Variants in CAMSAP3 observed in about 807,000 individuals in gnomAD.
The protein encoded by CAMSAP3 is calmodulin regulated spectrin associated protein family member 3, also known as calmodulin-regulated spectrin-associated protein 3.
A neutral mutation model predicts 112.5 loss-of-function variants in CAMSAP3; 34 were observed. The ratio of observed to expected loss-of-function variants is 0.30; its 90% confidence interval spans 0.23 to 0.40. The LOEUF is 0.40. Among genes scored for constraint, CAMSAP3 ranks in the 10% least tolerant of loss-of-function variants. The pLI is 1.00. For missense variants in CAMSAP3, 1,602 were observed against 1,770.3 expected (o/e 0.90, Z 1.71); for synonymous variants, 868 against 799.8 (o/e 1.09, Z -1.44).
chr19:7,600,883 TATCCATCC>T (rs773405101), intron 1 of CAMSAP3, among the ~76,000 whole-genome samples: 1 of 86,324 alleles, frequency 1.2e-5, no homozygotes, highest in Non-Finnish European at 2.5e-5. Flanking sequence ...TTCATCCATT[TATCCATCC>T]ATCCATCCAT....
At position 7,615,072 on chromosome 19, in the gene CAMSAP3, T is replaced by C; in HGVS notation, c.2671-111T>C. On this transcript the variant is annotated intron_variant, in intron 11 of 16. Coordinates refer to ENST00000160298, the MANE Select transcript of CAMSAP3 (RefSeq NM_020902.2). The surrounding 1 kb of genome is among the most constrained non-coding windows in gnomAD (Gnocchi z 6.5). The stretch of plus-strand genomic sequence containing the variant: ...CACCAACTAAGTGCATTTAGAACAA[T>C]GATGAAAACAAAAGCACAGGTGGGT... The C allele has an allele frequency of 7.6e-7, 1 of 1,312,650 alleles. No homozygotes were observed. The allele number at this position is 1,312,650 out of a possible 1,614,324, so 81.3% of individuals were successfully genotyped here.
intron 14 of CAMSAP3, among the ~76,000 whole-genome samples, chr19:7,616,934 CTTTTTTTTTTTTT>C (rs545769780): frequency 2.4e-5 from 2 of 83,038 alleles, no homozygotes; most frequent in African/African-American, 1.0e-4. Flanking sequence ...TGTGGCCCGC[CTTTTTTTTTTTTT>C]TTTTTTTTTT....
Position 7,612,415 on chromosome 19 carries a change from A to C in CAMSAP3, c.1922A>C (p.Gln641Pro). 1 of 1,589,964 alleles carries C rather than the reference A, an allele frequency of 6.3e-7. No individual in the cohort carries two copies. The highest frequency in any genetic ancestry group is 8.5e-7 in the Non-Finnish European group (1 of 1,171,136). Reference sequence around the variant, plus strand: ...GGCAAAAGCGCCTTCCTGCAGGTGCAGCCGCGGGAAGCCTCTGGGGAGGCG... The same window carrying C: ...GGCAAAAGCGCCTTCCTGCAGGTGCCGCCGCGGGAAGCCTCTGGGGAGGCG... The part of the protein sequence containing the change: ...RLGKSAFLQV[Q>P]PREASGEAEA... The change falls in exon 11 of 17, where the codon CAG becomes CCG. Residue 641 changes from glutamine to proline, a missense_variant. By Grantham distance (76) the Gln-to-Pro change is moderately conservative. This residue lies in a region of CAMSAP3 where 1,100 missense variants were observed against 1,135.7 expected (regional missense o/e 0.97). Coordinates refer to ENST00000160298, the MANE Select transcript of CAMSAP3 (RefSeq NM_020902.2).
chr19:7,611,811 C>T lies in CAMSAP3; in HGVS notation c.1318C>T (p.Pro440Ser). ...VSSDSLGPPR[P>S]APARTPTQPP... ...CTCGGACAGCCTGGGCCCCCCGCGTCCCGCGCCGGCCAGGACCCCCACCCA... is the reference window on the plus strand; with the variant it reads ...CTCGGACAGCCTGGGCCCCCCGCGTTCCGCGCCGGCCAGGACCCCCACCCA... The change falls in exon 11 of 17, where the codon CCC becomes TCC. Residue 440 changes from proline to serine, a missense_variant. Pro to Ser is a moderately conservative substitution (Grantham distance 74). Coordinates refer to ENST00000160298, the MANE Select transcript of CAMSAP3 (RefSeq NM_020902.2). The surrounding 1 kb of genome is among the most constrained non-coding windows in gnomAD (Gnocchi z 6.9). The T allele has an allele frequency of 6.3e-7, 1 of 1,593,426 alleles. No homozygotes were observed.
Position 7,615,234 on chromosome 19 carries a change from G to A in CAMSAP3, c.2722G>A (p.Glu908Lys), listed in dbSNP as rs1599362727. ...EMAQKRASLL[E>K]RQQRRAEEAR... ...GGCCCAAAAGCGGGCCAGCCTGCTG[G>A]AGCGGCAGCAGCGGCGAGCAGAGGA... The change falls in exon 12 of 17, where the codon GAG (glutamate) becomes AAG (lysine). Residue 908 changes from glutamate (E) to lysine (K), a missense_variant. Physicochemically the swap from Glu to Lys is moderately conservative, Grantham distance 56. Transcript: ENST00000160298. The surrounding 1 kb of genome is among the most constrained non-coding windows in gnomAD (Gnocchi z 6.5). The A allele has an allele frequency of 3.2e-6, 5 of 1,552,182 alleles. No homozygotes were observed. In the East Asian group the frequency reaches 7.3e-5, roughly 23 times the overall value.
chr19:7,617,406 C>T lies in CAMSAP3; in HGVS notation c.3293C>T (p.Ala1098Val), dbSNP rs375397200. ...RERDWENGSN[A>V]SSPASVPEYT... The stretch of plus-strand genomic sequence containing the variant: ...CGGGACTGGGAAAATGGCAGCAATG[C>T]CTCCTCCCCAGCGTCAGTGCCCGAG... The change falls in exon 15 of 17, where the codon GCC (alanine) becomes GTC (valine). Residue 1098 changes from alanine (A) to valine (V), a missense_variant. This residue lies in a region of CAMSAP3 where 1,100 missense variants were observed against 1,135.7 expected (regional missense o/e 0.97). Coordinates refer to ENST00000160298, the MANE Select transcript of CAMSAP3 (RefSeq NM_020902.2). The surrounding 1 kb of genome is among the most constrained non-coding windows in gnomAD (Gnocchi z 7.5). The T allele has an allele frequency of 1.9e-6, 3 of 1,613,918 alleles. No homozygotes were observed. The African/African-American group carries it at 4.0e-5, about 22-fold the overall frequency.
intron 5 of CAMSAP3, among the ~76,000 whole-genome samples, chr19:7,609,665 T>C (rs1221856675): frequency 1.3e-5 from 2 of 152,148 alleles, no homozygotes; most frequent in East Asian, 3.8e-4. Flanking sequence ...CGTTGTAACA[T>C]AGAATGAAAT....
In CAMSAP3 at chr19:7,615,467, C is replaced by G. The variant is rs1454644947; in HGVS notation, c.2860C>G (p.Pro954Ala). The G allele has an allele frequency of 1.3e-6, 2 of 1,541,024 alleles. No individual in the cohort carries two copies. The highest frequency in any genetic ancestry group is 1.7e-6 in the Non-Finnish European group (2 of 1,146,138). ...PGPAPLVSAV[P>A]MATPAPAARA... The stretch of plus-strand genomic sequence containing the variant: ...CCCAGCCCCGCTTGTGTCCGCAGTC[C>G]CGATGGCGACTCCAGCCCCTGCTGC... Residue 954 changes from proline to alanine, a missense_variant, in exon 13 of 17, where the codon CCG becomes GCG. By Grantham distance (27) the Pro-to-Ala change is conservative (BLOSUM62 -1). Around this residue, in one of 6 missense-constraint regions of CAMSAP3, gnomAD observed 1,100 missense variants for 1,135.7 expected, o/e 0.97. Transcript: ENST00000160298. This position sits in a 1 kb window ranked among gnomAD's most constrained non-coding sequence, Gnocchi z 6.5.
Position 7,617,249 on chromosome 19 carries a change from T to G in CAMSAP3, c.3213-77T>G. 1 of 1,021,896 alleles carries G rather than the reference T, an allele frequency of 9.8e-7. No homozygotes were observed. The highest frequency in any genetic ancestry group is 1.6e-6 in the Non-Finnish European group (1 of 644,200). 63.3% of individuals were successfully genotyped at this position (1,021,896 alleles called of 1,614,324 possible). On this transcript the variant is annotated intron_variant, in intron 14 of 16. Transcript: ENST00000160298. The surrounding 1 kb of genome is among the most constrained non-coding windows in gnomAD (Gnocchi z 7.5). The stretch of plus-strand genomic sequence containing the variant: ...TTATTTTCCTTGGCCCCTCTGCACA[T>G]AGGGAAGCTTCCCATCTCTGACCCC...
rs201293526 is a variant in CAMSAP3, at chr19:7,617,337, C to T, written c.3224C>T (p.Pro1075Leu). 3.3e-5 allele frequency: 53 copies of T among 1,613,690 alleles called. No individual in the cohort carries two copies. The Admixed American group carries it at 4.2e-4, about 13-fold the overall frequency. The change falls in exon 15 of 17, where the codon CCG becomes CTG. Residue 1075 changes from proline (P) to leucine (L), a missense_variant. Transcript: ENST00000160298. This position sits in a 1 kb window ranked among gnomAD's most constrained non-coding sequence, Gnocchi z 7.5. Reference protein sequence around the residue: ...VKRPTSRAPSPSGLMSPSRLP... With the variant: ...VKRPTSRAPSLSGLMSPSRLP... ...TTCTCCCACTGCAGGGCTCCCTCCCCGTCAGGTCTCATGTCCCCAAGCCGC... is the reference window on the plus strand; with the variant it reads ...TTCTCCCACTGCAGGGCTCCCTCCCTGTCAGGTCTCATGTCCCCAAGCCGC...
chr19:7,599,112 A>C (rs749002314), intron 1 of CAMSAP3, among the ~76,000 whole-genome samples: 1 of 151,834 alleles, frequency 6.6e-6, no homozygotes, highest in Admixed American at 6.6e-5. Context: ...TCCAGGGTAC[A>C]GTCAGCTATG....
rs887613149 is a variant in CAMSAP3 at position 7,611,007 on chromosome 19, C to T, written c.1049+76C>T. On this transcript the variant is annotated intron_variant, in intron 8 of 16. Transcript: ENST00000160298. This position sits in a 1 kb window ranked among gnomAD's most constrained non-coding sequence, Gnocchi z 6.9. ...ATGTCTGCCTTGCTGAGCACTGGGA[C>T]GCAGCTGGGTGATGCTGTTGTCTCC... 19 of 1,586,508 alleles carry T rather than the reference C, an allele frequency of 1.2e-5. No individual in the cohort carries two copies. The highest frequency in any genetic ancestry group is 2.2e-5 in the East Asian group (1 of 44,582).
At chr19:7,596,991 ACACT>A (rs1312608754) in intron 1 of CAMSAP3, among the ~76,000 whole-genome samples, 1 of 152,118 alleles carries the variant, frequency 6.6e-6, no homozygotes, top group Non-Finnish European at 1.5e-5. Context: ...GGCCCTGGAA[ACACT>A]CAGTCTCGGC....
chr19:7,599,204 T>G (rs2029862769), intron 1 of CAMSAP3, among the ~76,000 whole-genome samples: 1 of 149,438 alleles, frequency 6.7e-6, no homozygotes, highest in Non-Finnish European at 1.5e-5. Context: ...CACCCATCCA[T>G]CTACCCACTC....
rs978781224 is a variant in CAMSAP3 at position 7,603,990 on chromosome 19, C to T, written c.149-1236C>T. Among the ~76,000 whole-genome samples the T allele has an allele frequency of 3.3e-5, 5 of 152,182 alleles. No homozygotes were observed. The South Asian group carries it at 1.0e-3, about 32-fold the overall frequency. On this transcript the variant is annotated intron_variant, in intron 1 of 16. Coordinates refer to ENST00000160298, the MANE Select transcript of CAMSAP3 (RefSeq NM_020902.2). ...GTTTCTACAACATACAAAAATTAGC[C>T]GGGTATGGCAGCATCGCACCTGTAA... is the stretch of plus-strand genomic sequence containing the variant.
At position 7,611,681 on chromosome 19, in the gene CAMSAP3, G is replaced by T. The variant is rs768363659; in HGVS notation, c.1194-6G>T. ...CAGGGGCTGACCCCTCCCTCCGGCC[G>T]CCCAGCCGTCCCCTCTCCCAGGCTG... On this transcript the variant is annotated splice_polypyrimidine_tract_variant and splice_region_variant and intron_variant, in intron 10 of 16. Coordinates refer to ENST00000160298, the MANE Select transcript of CAMSAP3 (RefSeq NM_020902.2). The surrounding 1 kb of genome is among the most constrained non-coding windows in gnomAD (Gnocchi z 6.9). The T allele has an allele frequency of 5.1e-6, 8 of 1,562,260 alleles. No individual in the cohort carries two copies. The highest frequency in any genetic ancestry group is 2.3e-5 in the South Asian group (2 of 85,244).
chr19:7,605,562 C>T, intron 2 of CAMSAP3, 83 bp downstream of exon 2: 1 of 1,373,612 alleles, frequency 7.3e-7, no homozygotes, highest in Non-Finnish European at 9.5e-7. Flanking sequence ...CCTGGCTCCT[C>T]CCAAGTTCCC....
At position 7,617,637 on chromosome 19, in the gene CAMSAP3, A is replaced by G; in HGVS notation, c.3420A>G (p.Glu1140=). Residue 1140 remains glutamate (E), a synonymous_variant, in exon 16 of 17, where the codon GAA becomes GAG. Coordinates refer to ENST00000160298, the MANE Select transcript of CAMSAP3 (RefSeq NM_020902.2). This position sits in a 1 kb window ranked among gnomAD's most constrained non-coding sequence, Gnocchi z 7.5. ...SHCCLAGKVN[E]PQKNRILEEI... ...GCTGCCTGGCGGGCAAGGTGAACGA[A>G]CCGCAGAAGAATCGCATTCTGGAGG... 10 of 1,614,002 alleles carry G rather than the reference A, an allele frequency of 6.2e-6. No homozygotes were observed. Among genetic ancestry groups the G allele is most frequent in the Non-Finnish European group, 8.5e-6 (10 of 1,179,958 alleles).
intron 5 of CAMSAP3, among the ~76,000 whole-genome samples, chr19:7,608,678 AG>A (rs2030334676): frequency 7.2e-6 from 1 of 139,468 alleles, no homozygotes; most frequent in South Asian, 2.2e-4. Context: ...TCTGTTGCCC[AG>A]GCTGGAGTGT....
Sources: allele counts gnomAD v4.1 joint callset (sites outside exome capture counted in the v4.1 genomes callset), GRCh38; gene constraint gnomAD v4.1.1; regional missense constraint gnomAD v4.1.1; non-coding constraint Gnocchi (gnomAD v3.1); transcripts MANE v1.5; gene names NCBI Gene and HGNC (gene_info 2026-07-23, HGNC 2026-07-21).